Variants in SCAND3 observed in about 807,000 individuals in gnomAD.
SCAND3 encodes SCAN domain-containing protein 3.
chr6:28,600,546 C>T, the SCAND3 span, among the ~76,000 whole-genome samples: 4 of 152,028 alleles, frequency 2.6e-5, no homozygotes, highest in African/African-American at 9.7e-5. Context: ...GGTGAGAGGC[C>T]TGTTTGAGCC....
the SCAND3 span, among the ~76,000 whole-genome samples, chr6:28,607,747 G>C: frequency 6.6e-6 from 1 of 152,088 alleles, no homozygotes; most frequent in African/African-American, 2.4e-5. Context: ...ATAGCATGGG[G>C]TGCCTCCCAA....
chr6:28,576,736 T>G, the SCAND3 span, among the ~76,000 whole-genome samples: 1 of 152,024 alleles, frequency 6.6e-6, no homozygotes, highest in African/African-American at 2.4e-5. Context: ...GGATGCAAAT[T>G]AACATTTACT....
the SCAND3 span, among the ~76,000 whole-genome samples, chr6:28,578,119 G>A: frequency 1.0e-3 from 153 of 152,268 alleles, 1 homozygote; most frequent in Admixed American, 6.9e-3. Context: ...AAGTGAACCC[G>A]TTTGGTTCTG....
At chr6:28,601,242 A>G in the SCAND3 span, among the ~76,000 whole-genome samples, 3 of 152,124 alleles carry the variant, frequency 2.0e-5, no homozygotes, top group Admixed American at 1.3e-4. Flanking sequence ...TTTCTCTTAG[A>G]CATATACTGA....
the SCAND3 span, among the ~76,000 whole-genome samples, chr6:28,576,915 CT>C: frequency 1.3e-5 from 2 of 148,970 alleles, no homozygotes; most frequent in Admixed American, 6.7e-5. Flanking sequence ...CGGTCTCAGA[CT>C]TTTTTTTTTG....
At chr6:28,577,926 C>T in the SCAND3 span, among the ~76,000 whole-genome samples, 7 of 152,242 alleles carry the variant, frequency 4.6e-5, no homozygotes, top group East Asian at 3.9e-4. Context: ...ACAGTGTCCA[C>T]GTATTGATTT....
chr6:28,589,492 A>G, the SCAND3 span: 1 of 152,076 alleles, frequency 6.6e-6, no homozygotes, highest in Admixed American at 6.6e-5. Flanking sequence ...TGGCCTCTGA[A>G]TGTGGGAAAA....
At chr6:28,571,610 CAAG>C in the SCAND3 span, 141 of 282,894 alleles carry the variant, frequency 5.0e-4, no homozygotes, top group South Asian at 1.3e-3. Context: ...TAATGAAATA[CAAG>C]AAGAAGACAC....
the SCAND3 span, among the ~76,000 whole-genome samples, chr6:28,585,684 G>C: frequency 2.6e-5 from 4 of 152,094 alleles, no homozygotes. Context: ...TGTATGAATA[G>C]TATCACTAAA....
At chr6:28,574,963 T>G in the SCAND3 span, 3 of 1,613,700 alleles carry the variant, frequency 1.9e-6, no homozygotes, top group Non-Finnish European at 2.5e-6. Context: ...GACAGAAAGA[T>G]TCTCTTCAAT....
At chr6:28,575,234 T>C in the SCAND3 span, 48 of 1,614,022 alleles carry the variant, frequency 3.0e-5, no homozygotes, top group African/African-American at 5.5e-4. This position sits in a 1 kb window ranked among gnomAD's most constrained non-coding sequence, Gnocchi z 4.2. Context: ...TGTGATGAGT[T>C]GTTAGTTTGC....
the SCAND3 span, among the ~76,000 whole-genome samples, chr6:28,595,195 CAAAAAAAA>C: frequency 6.2e-5 from 1 of 16,104 alleles, no homozygotes; most frequent in African/African-American, 1.9e-4. Flanking sequence ...CCGTCACTAC[CAAAAAAAA>C]AAAAAAAAAA....
At chr6:28,573,650 C>T in the SCAND3 span, 1 of 1,612,522 alleles carries the variant, frequency 6.2e-7, no homozygotes, top group Non-Finnish European at 8.5e-7. Context: ...ATTACAGCTA[C>T]AAAACCAAAC....
At chr6:28,601,844 C>T in the SCAND3 span, among the ~76,000 whole-genome samples, 1 of 152,152 alleles carries the variant, frequency 6.6e-6, no homozygotes, top group South Asian at 2.1e-4. Context: ...AAGGCTCCAC[C>T]GATGTTGAGG....
At chr6:28,609,240 A>G in the SCAND3 span, among the ~76,000 whole-genome samples, 3,447 of 152,308 alleles carry the variant, frequency 0.023, 52 homozygotes, top group Non-Finnish European at 0.035. Flanking sequence ...TCTTGGTAGG[A>G]TTATATATCT....
chr6:28,574,977 A>T, the SCAND3 span: 1 of 1,613,558 alleles, frequency 6.2e-7, no homozygotes, highest in African/African-American at 1.3e-5. Context: ...CTTCAATATC[A>T]CTACTGTCTG....
the SCAND3 span, chr6:28,572,730 C>G: frequency 6.2e-7 from 1 of 1,614,066 alleles, no homozygotes; most frequent in Non-Finnish European, 8.5e-7. The surrounding 1 kb of genome is among the most constrained non-coding windows in gnomAD (Gnocchi z 4.1). Flanking sequence ...CATGCAGTAA[C>G]AGTTGCTTAT....
At chr6:28,580,097 G>A in the SCAND3 span, among the ~76,000 whole-genome samples, 1 of 151,954 alleles carries the variant, frequency 6.6e-6, no homozygotes, top group Non-Finnish European at 1.5e-5. Flanking sequence ...ATCATGTTGG[G>A]ATTTAAGATT....
chr6:28,589,987 C>T, the SCAND3 span: 1 of 151,804 alleles, frequency 6.6e-6, no homozygotes, highest in Non-Finnish European at 1.5e-5. Context: ...CTTAGTCTCT[C>T]CGCTCACCCC....
Sources: allele counts gnomAD v4.1 joint callset (sites outside exome capture counted in the v4.1 genomes callset), GRCh38; gene constraint gnomAD v4.1.1; non-coding constraint Gnocchi (gnomAD v3.1); transcripts MANE v1.5; gene names NCBI Gene and HGNC (gene_info 2026-07-23, HGNC 2026-07-21).